PCDHA8: variants seen among roughly 807,000 people sequenced by gnomAD.
The protein encoded by PCDHA8 is protocadherin alpha 8.
Under a neutral mutation model 61.8 loss-of-function variants are expected in PCDHA8, and 53 were observed. The observed-to-expected ratio is 0.86, with a 90% CI of 0.69 to 1.08. The LOEUF is 1.08. Among genes scored for constraint, PCDHA8 ranks in the 50% least tolerant of loss-of-function variants. The pLI, the probability that PCDHA8 is intolerant of heterozygous loss-of-function variation, is 0.00. For missense variants in PCDHA8, 1,293 were observed against 1,245.0 expected (o/e 1.04, Z -0.58); for synonymous variants, 618 against 556.6 (o/e 1.11, Z -1.55).
At chr5:140,900,674 T>C (rs782072148) in intron 1 of PCDHA8, among the ~76,000 whole-genome samples, 11 of 152,230 alleles carry the variant, frequency 7.2e-5, no homozygotes, top group African/African-American at 2.4e-4. Context: ...AGTGCAGTTA[T>C]CTCTTCAATA....
intron 1 of PCDHA8, chr5:140,966,646 G>A: frequency 1.8e-6 from 2 of 1,139,684 alleles, no homozygotes; most frequent in Non-Finnish European, 2.3e-6. Flanking sequence ...TTTCTAGAGC[G>A]TGAGCGGTGG....
intron 1 of PCDHA8, among the ~76,000 whole-genome samples, chr5:140,902,680 C>T (rs943072063): frequency 3.9e-5 from 6 of 152,094 alleles, no homozygotes; most frequent in Admixed American, 6.5e-5. Context: ...GTACACCGTA[C>T]CTAATATGTG....
chr5:140,881,587 G>C (rs1025219392), intron 1 of PCDHA8, among the ~76,000 whole-genome samples: 2 of 152,186 alleles, frequency 1.3e-5, no homozygotes, highest in Non-Finnish European at 1.5e-5. Context: ...CACATTGAGG[G>C]AAATTTATTA....
At chr5:140,863,138 T>C (rs781967810) in intron 1 of PCDHA8, 2 of 604,914 alleles carry the variant, frequency 3.3e-6, no homozygotes, top group Non-Finnish European at 6.4e-6. Context: ...CGCCTGCTGG[T>C]GCTGGTGAAG....
At chr5:140,972,197 A>G (rs2096524584) in intron 1 of PCDHA8, among the ~76,000 whole-genome samples, 1 of 152,100 alleles carries the variant, frequency 6.6e-6, no homozygotes. Context: ...GCTGGAGTAT[A>G]GGTGTGAATA....
chr5:140,950,270 G>A (rs980703743), intron 1 of PCDHA8, among the ~76,000 whole-genome samples: 1 of 151,960 alleles, frequency 6.6e-6, no homozygotes, highest in East Asian at 1.9e-4. Flanking sequence ...TATCCATAAT[G>A]TCTTTTTGCT....
Position 140,842,739 on chromosome 5 carries a change from A to G in PCDHA8, c.1418A>G (p.His473Arg). 1 of 1,595,048 alleles carries G rather than the reference A, an allele frequency of 6.3e-7. No homozygotes were observed. The highest frequency in any genetic ancestry group is 1.1e-5 in the South Asian group (1 of 90,488). ...FVKENNPPGCHIFTVSARDAD... is the reference protein window; with the variant it reads ...FVKENNPPGCRIFTVSARDAD... ...AAGGAGAACAACCCGCCGGGCTGCC[A>G]CATCTTCACGGTGTCTGCGCGAGAC... The change falls in exon 1 of 4, where the codon CAC becomes CGC. Residue 473 changes from histidine (H) to arginine (R), a missense_variant. By Grantham distance (29) the His-to-Arg change is conservative. Coordinates refer to ENST00000531613, the MANE Select transcript of PCDHA8 (RefSeq NM_018911.3).
chr5:140,876,269 C>T, intron 1 of PCDHA8: 2 of 1,614,036 alleles, frequency 1.2e-6, no homozygotes, highest in Non-Finnish European at 1.7e-6. Flanking sequence ...CAACTAAATG[C>T]TTCCGATCCA....
intron 1 of PCDHA8, chr5:140,928,060 T>C: frequency 6.2e-7 from 1 of 1,614,204 alleles, no homozygotes; most frequent in Non-Finnish European, 8.5e-7. Flanking sequence ...GCTGACGGCT[T>C]CCTTTGACAA....
intron 1 of PCDHA8, among the ~76,000 whole-genome samples, chr5:140,914,220 C>A (rs1210445622): frequency 6.6e-6 from 1 of 152,212 alleles, no homozygotes; most frequent in South Asian, 2.1e-4. Flanking sequence ...TCTCTTTTAG[C>A]TCTAATACTA....
chr5:141,002,019 T>G (rs1420727822), intron 3 of PCDHA8, among the ~76,000 whole-genome samples: 4 of 152,176 alleles, frequency 2.6e-5, no homozygotes, highest in Admixed American at 6.5e-5. Flanking sequence ...CTGCACAGCC[T>G]TCGGTGCCCT....
intron 1 of PCDHA8, chr5:140,862,369 C>G: frequency 2.9e-6 from 1 of 341,442 alleles, no homozygotes; most frequent in South Asian, 2.3e-5. Flanking sequence ...CGACCCGCAC[C>G]CTGACTCCTC....
intron 1 of PCDHA8, chr5:140,853,957 G>T: frequency 2.7e-6 from 2 of 736,982 alleles, no homozygotes; most frequent in Non-Finnish European, 3.4e-6. Context: ...TCCCTTCCTT[G>T]AGCCCAGCAG....
rs1351509805 is a variant in PCDHA8, at chr5:140,928,584, TG to T, written c.2395-50364del. The T allele has an allele frequency of 8.7e-6, 14 of 1,614,150 alleles. No homozygotes were observed. In the African/African-American group the frequency reaches 1.9e-4, roughly 22 times the overall value. On this transcript the variant is annotated intron_variant, in intron 1 of 3. Coordinates refer to ENST00000531613, the MANE Select transcript of PCDHA8 (RefSeq NM_018911.3). ...TGTTTCCCTTGCCCAGAAATGGTTCTGTCCCAGTGGAAATTGTGCCCCGCTC... is the reference window on the plus strand; with the variant it reads ...TGTTTCCCTTGCCCAGAAATGGTTCTTCCCAGTGGAAATTGTGCCCCGCTC...
At chr5:141,006,995 A>C (rs1277177404) in intron 3 of PCDHA8, among the ~76,000 whole-genome samples, 1 of 152,208 alleles carries the variant, frequency 6.6e-6, no homozygotes, top group Non-Finnish European at 1.5e-5. Flanking sequence ...TTAAAATATA[A>C]GTCTGCATCT....
At position 140,851,914 on chromosome 5, in the gene PCDHA8, A is replaced by G. The variant is rs1213624827; in HGVS notation, c.2394+8199A>G. 6 of 969,578 alleles carry G rather than the reference A, an allele frequency of 6.2e-6. No individual in the cohort carries two copies. The African/African-American group carries it at 7.1e-5, about 11-fold the overall frequency. 60.1% of individuals were successfully genotyped at this position (969,578 alleles called of 1,614,324 possible). On this transcript the variant is annotated intron_variant, in intron 1 of 3. Coordinates refer to ENST00000531613, the MANE Select transcript of PCDHA8 (RefSeq NM_018911.3). ...AGATTTGCCTCTTTAATGTCACTAC[A>G]TGTTATGTTTCCTGAATTGTAGTAT... is the stretch of plus-strand genomic sequence containing the variant.
At chr5:140,966,198 T>C in intron 1 of PCDHA8, 1 of 214,428 alleles carries the variant, frequency 4.7e-6, no homozygotes, top group Non-Finnish European at 9.1e-6. Context: ...TTCTAGGGGC[T>C]TGACTGCTTT....
At chr5:140,925,989 G>A (rs2082853255) in intron 1 of PCDHA8, among the ~76,000 whole-genome samples, 1 of 152,212 alleles carries the variant, frequency 6.6e-6, no homozygotes, top group East Asian at 1.9e-4. Context: ...GAGCTCGCTG[G>A]CTCCGCTGCC....
intron 1 of PCDHA8, chr5:140,966,708 C>G (rs1033433543): frequency 7.2e-7 from 1 of 1,384,746 alleles, no homozygotes; most frequent in Non-Finnish European, 9.3e-7. Context: ...GCGTGGGGCA[C>G]GGCTGGGGAA....
Sources: gnomAD v4.1 joint callset for allele counts (sites outside exome capture counted in the v4.1 genomes callset) on GRCh38, gnomAD v4.1.1 for gene constraint, MANE v1.5 for transcripts, NCBI Gene and HGNC (gene_info 2026-07-23, HGNC 2026-07-21) for gene names.